PDSS2: variants seen among roughly 807,000 people sequenced by gnomAD.
PDSS2 encodes decaprenyl diphosphate synthase subunit 2.
Under a neutral mutation model 44.5 loss-of-function variants are expected in PDSS2, and 31 were observed. That is an observed-to-expected ratio of 0.70 (90% confidence interval 0.52 to 0.94). The LOEUF (loss-of-function observed/expected upper bound fraction) is 0.94, where lower values mean the gene tolerates loss of function less well. Among genes scored for constraint, PDSS2 ranks in the 40% least tolerant of loss-of-function variants. PDSS2 has a pLI of 0.00. For synonymous variants in PDSS2, 157 were observed against 180.3 expected, an observed-to-expected ratio of 0.87 and a Z score of 1.03; for missense variants, 452 against 482.2, an observed-to-expected ratio of 0.94 and a Z score of 0.59.
chr6:107,316,836 T>C (rs1296893435), intron 2 of PDSS2, among the ~76,000 whole-genome samples: 1 of 152,224 alleles, frequency 6.6e-6, no homozygotes, highest in Non-Finnish European at 1.5e-5. Context: ...TTGCACATAT[T>C]GTGCACATAA....
chr6:107,153,602 G>A lies in PDSS2; in HGVS notation c.*1017C>T, dbSNP rs1177437597. The A allele has an allele frequency of 1.3e-5, 2 of 152,232 alleles. No individual in the cohort carries two copies. The highest frequency in any genetic ancestry group is 2.9e-5 in the Non-Finnish European group (2 of 67,958). 9.4% of individuals were successfully genotyped at this position (152,232 alleles called of 1,614,324 possible). A position where few individuals can be genotyped will look rare whatever the true frequency, so the allele number is the denominator to read the frequency against. The stretch of plus-strand genomic sequence containing the variant: ...AAAAAAATTTGGTTCTTTGAAATGT[G>A]TTTGAATAAAAAAACTGATCTTCAG... On this transcript the variant is annotated 3_prime_UTR_variant, in exon 8 of 8. Transcript: ENST00000369037.
intron 7 of PDSS2, among the ~76,000 whole-genome samples, chr6:107,188,420 G>T (rs1772252631): frequency 6.6e-6 from 1 of 151,898 alleles, no homozygotes. Context: ...ATAAATGTCG[G>T]TTGGGTGAAG....
At chr6:107,254,400 GATT>G (rs1434076165) in intron 3 of PDSS2, among the ~76,000 whole-genome samples, 1 of 152,080 alleles carries the variant, frequency 6.6e-6, no homozygotes, top group Non-Finnish European at 1.5e-5. Context: ...TTTTCCAGCA[GATT>G]TTTTAAAAAG....
chr6:107,161,771 G>A (rs1454497250), intron 7 of PDSS2, among the ~76,000 whole-genome samples: 3 of 152,144 alleles, frequency 2.0e-5, no homozygotes, highest in Non-Finnish European at 4.4e-5. Flanking sequence ...AAAGTCTGCT[G>A]ACTCAAGTAC....
intron 1 of PDSS2, among the ~76,000 whole-genome samples, chr6:107,412,520 G>A (rs1348638240): frequency 6.6e-6 from 1 of 152,194 alleles, no homozygotes; most frequent in Non-Finnish European, 1.5e-5. Flanking sequence ...GATTACAGGT[G>A]TGAAACACTG....
In PDSS2 at chr6:107,312,121, T is replaced by C. The variant is rs1777063552; in HGVS notation, c.431+22077A>G. On this transcript the variant is annotated intron_variant, in intron 2 of 7. Coordinates refer to ENST00000369037, the MANE Select transcript of PDSS2 (RefSeq NM_020381.4). ...GAAATAGCACAGTGCATGCAGCGTA[T>C]TGCCAGTATTTGGCATTTGCTGGCA... 2.0e-5 allele frequency among the ~76,000 whole-genome samples: 3 copies of C among 152,190 alleles called. No individual in the cohort carries two copies. In the South Asian group the frequency reaches 6.2e-4, roughly 32 times the overall value.
At chr6:107,416,196 G>T (rs1233764450) in intron 1 of PDSS2, among the ~76,000 whole-genome samples, 1 of 152,070 alleles carries the variant, frequency 6.6e-6, no homozygotes. Flanking sequence ...TCCCAGGCAT[G>T]TGTCTAATCC....
At chr6:107,421,524 A>AT (rs2114702883) in intron 1 of PDSS2, among the ~76,000 whole-genome samples, 1 of 152,276 alleles carries the variant, frequency 6.6e-6, no homozygotes, top group African/African-American at 2.4e-5. Context: ...AACTACTGGC[A>AT]TACACAACTT....
At chr6:107,193,913 A>G (rs1772468208) in intron 6 of PDSS2, 59 bp from the exon 7 acceptor site, 1 of 1,103,190 alleles carries the variant, frequency 9.1e-7, no homozygotes, top group African/African-American at 1.5e-5. Flanking sequence ...GTGCTTCTAT[A>G]ATTTTTGCTT....
At chr6:107,265,894 C>T (rs1752256368) in intron 3 of PDSS2, among the ~76,000 whole-genome samples, 1 of 152,142 alleles carries the variant, frequency 6.6e-6, no homozygotes, top group Non-Finnish European at 1.5e-5. Flanking sequence ...GAGCCAAGAT[C>T]GTGCCACTGC....
chr6:107,434,081 C>T (rs1286678504), intron 1 of PDSS2, among the ~76,000 whole-genome samples: 4 of 152,122 alleles, frequency 2.6e-5, no homozygotes, highest in Admixed American at 2.6e-4. Context: ...GTTAAAATGG[C>T]TTTCATCAAA....
chr6:107,434,614 A>G (rs80251205), intron 1 of PDSS2, among the ~76,000 whole-genome samples: 5,772 of 152,244 alleles, frequency 0.038, 361 homozygotes, highest in African/African-American at 0.13. Flanking sequence ...GCATAGTGGC[A>G]GGTGGGTGGT....
At chr6:107,292,278 T>G (rs557053696) in intron 2 of PDSS2, among the ~76,000 whole-genome samples, 1 of 152,128 alleles carries the variant, frequency 6.6e-6, no homozygotes, top group African/African-American at 2.4e-5. Context: ...GTGCTGTAAT[T>G]TAGAACTACT....
At chr6:107,164,452 TG>T (rs1771263714) in intron 7 of PDSS2, among the ~76,000 whole-genome samples, 1 of 152,198 alleles carries the variant, frequency 6.6e-6, no homozygotes, top group Non-Finnish European at 1.5e-5. Context: ...TTGCTGAGAA[TG>T]ACGGTTTCCG....
intron 6 of PDSS2, among the ~76,000 whole-genome samples, chr6:107,206,794 T>G (rs1772991922): frequency 6.6e-6 from 1 of 152,206 alleles, no homozygotes; most frequent in African/African-American, 2.4e-5. Flanking sequence ...ACAATCTTGA[T>G]CTGACCTTCC....
At chr6:107,323,947 T>G (rs1214949413) in intron 2 of PDSS2, among the ~76,000 whole-genome samples, 1 of 152,210 alleles carries the variant, frequency 6.6e-6, no homozygotes, top group Non-Finnish European at 1.5e-5. Context: ...GCTGAGTAGA[T>G]TAGTAGGTAA....
intron 7 of PDSS2, among the ~76,000 whole-genome samples, chr6:107,181,052 T>A (rs964396661): frequency 6.6e-5 from 10 of 151,868 alleles, no homozygotes; most frequent in Non-Finnish European, 1.5e-4. Context: ...ACCATGTTGG[T>A]CAGGCTGGGC....
chr6:107,439,262 T>C (rs1245275567), intron 1 of PDSS2, among the ~76,000 whole-genome samples: 1 of 152,208 alleles, frequency 6.6e-6, no homozygotes, highest in African/African-American at 2.4e-5. Context: ...GAAGTAATGA[T>C]TTCTTTCTGA....
intron 6 of PDSS2, among the ~76,000 whole-genome samples, chr6:107,203,618 G>A (rs1772866766): frequency 6.6e-6 from 1 of 151,906 alleles, no homozygotes; most frequent in African/African-American, 2.4e-5. Context: ...GTTTGCCATA[G>A]GCAAACATCC....
Sources: allele counts gnomAD v4.1 joint callset (sites outside exome capture counted in the v4.1 genomes callset), GRCh38; gene constraint gnomAD v4.1.1; transcripts MANE v1.5; gene names NCBI Gene and HGNC (gene_info 2026-07-23, HGNC 2026-07-21).